Variants in CCSER1 observed in about 807,000 individuals in gnomAD.
The protein encoded by CCSER1 is coiled-coil serine rich protein 1.
CCSER1 carries 41 observed loss-of-function variants against 82.0 expected under a neutral mutation model. The ratio of observed to expected loss-of-function variants is 0.50; its 90% confidence interval spans 0.39 to 0.65. The LOEUF is 0.65. Ranked by LOEUF, CCSER1 falls within the 30% of genes least tolerant of loss-of-function variation. The probability of loss-of-function intolerance (pLI) is 0.00; values close to 1 mark genes in which losing one functional copy is unlikely to be tolerated. For missense variants in CCSER1, 1,119 were observed against 1,064.2 expected (o/e 1.05, Z -0.72); for synonymous variants, 414 against 383.9 (o/e 1.08, Z -0.92).
At chr4:91,307,112 A>T (rs969765390) in intron 10 of CCSER1, among the ~76,000 whole-genome samples, 1 of 151,968 alleles carries the variant, frequency 6.6e-6, no homozygotes, top group African/African-American at 2.4e-5. Flanking sequence ...TCAAATGAAC[A>T]TGATTTTAGG....
chr4:91,472,410 C>T (rs1004059820), intron 10 of CCSER1, among the ~76,000 whole-genome samples: 2 of 152,154 alleles, frequency 1.3e-5, no homozygotes, highest in African/African-American at 2.4e-5. Context: ...AAAGATTTTA[C>T]GTTTTTTTCC....
chr4:90,979,178 A>G (rs1188094106), intron 9 of CCSER1, among the ~76,000 whole-genome samples: 2 of 151,386 alleles, frequency 1.3e-5, no homozygotes, highest in Admixed American at 6.6e-5. Context: ...TAAGGTGTGT[A>G]TATATGTATG....
At chr4:91,166,536 T>C (rs1732095774) in intron 10 of CCSER1, among the ~76,000 whole-genome samples, 1 of 152,240 alleles carries the variant, frequency 6.6e-6, no homozygotes, top group African/African-American at 2.4e-5. Context: ...TTTAAAATGT[T>C]GTTTAAGATG....
At chr4:90,902,445 T>C (rs1398831420) in intron 8 of CCSER1, among the ~76,000 whole-genome samples, 1 of 152,088 alleles carries the variant, frequency 6.6e-6, no homozygotes, top group African/African-American at 2.4e-5. Context: ...TTTGCTATCA[T>C]TTGGATGGAA....
At chr4:91,403,320 A>G (rs1467514168) in intron 10 of CCSER1, among the ~76,000 whole-genome samples, 1 of 152,188 alleles carries the variant, frequency 6.6e-6, no homozygotes, top group African/African-American at 2.4e-5. Flanking sequence ...TTTTCTAAAT[A>G]TACAATCTTG....
At chr4:91,232,359 G>C (rs1160949068) in intron 10 of CCSER1, among the ~76,000 whole-genome samples, 1 of 151,696 alleles carries the variant, frequency 6.6e-6, no homozygotes, top group Non-Finnish European at 1.5e-5. Context: ...TCAACAAATT[G>C]TGTTTATATC....
chr4:90,419,456 A>T (rs1427597219), intron 4 of CCSER1, among the ~76,000 whole-genome samples: 1 of 151,938 alleles, frequency 6.6e-6, no homozygotes, highest in African/African-American at 2.4e-5. Flanking sequence ...GAGGGAGCAA[A>T]TACTCTGGTT....
intron 1 of CCSER1, among the ~76,000 whole-genome samples, chr4:90,136,400 T>TA (rs1292360719): frequency 6.6e-6 from 1 of 152,204 alleles, no homozygotes; most frequent in Non-Finnish European, 1.5e-5. Context: ...AGTGTACTAC[T>TA]CTAATTCAGC....
intron 7 of CCSER1, among the ~76,000 whole-genome samples, chr4:90,757,238 ATT>A (rs1322801195): frequency 9.2e-5 from 14 of 152,216 alleles, no homozygotes; most frequent in Admixed American, 9.2e-4. Context: ...AGGTGTTCCA[ATT>A]AGCTGAGAAA....
chr4:91,357,759 C>A (rs183029033), intron 10 of CCSER1, among the ~76,000 whole-genome samples: 3,070 of 150,946 alleles, frequency 0.02, 103 homozygotes, highest in African/African-American at 0.07. Flanking sequence ...GACAATTTTT[C>A]AACATGTCTC....
chr4:90,214,144 G>C lies in CCSER1; in HGVS notation c.-42+86313G>C, dbSNP rs115609426. ...GCGATTAATTTGCTGAGAGGGGATGGAACGCAGTGCAAATATGGGAGAGCT... is the reference window on the plus strand; with the variant it reads ...GCGATTAATTTGCTGAGAGGGGATGCAACGCAGTGCAAATATGGGAGAGCT... On this transcript the variant is annotated intron_variant, in intron 1 of 10. Transcript: ENST00000509176. Among the ~76,000 whole-genome samples, 1,043 of 152,278 alleles carry C rather than the reference G, an allele frequency of 6.8e-3. 8 individuals are homozygous for C. Among genetic ancestry groups the C allele is most frequent in the African/African-American group, 0.024 (1,009 of 41,548 alleles).
At chr4:90,337,352 G>A (rs1055484523) in intron 3 of CCSER1, among the ~76,000 whole-genome samples, 1 of 152,162 alleles carries the variant, frequency 6.6e-6, no homozygotes, top group Admixed American at 6.5e-5. Flanking sequence ...AGTGGACAAG[G>A]CAGTAAGGGC....
intron 9 of CCSER1, among the ~76,000 whole-genome samples, chr4:90,963,856 A>T (rs1030063352): frequency 2.0e-5 from 3 of 152,232 alleles, no homozygotes; most frequent in Non-Finnish European, 4.4e-5. Flanking sequence ...AGTAAAAAAA[A>T]ATAAAGAAAA....
At chr4:90,700,357 A>G (rs193009815) in intron 6 of CCSER1, among the ~76,000 whole-genome samples, 3,829 of 152,204 alleles carry the variant, frequency 0.025, 79 homozygotes, top group Non-Finnish European at 0.04. Context: ...CATGGTATAT[A>G]TGTGCCACAT....
At chr4:91,174,609 G>T (rs886243310) in intron 10 of CCSER1, among the ~76,000 whole-genome samples, 2 of 151,942 alleles carry the variant, frequency 1.3e-5, no homozygotes, top group African/African-American at 4.8e-5. Flanking sequence ...TTTTTACCAA[G>T]CTACTATACT....
At chr4:91,120,501 C>G (rs935780643) in intron 10 of CCSER1, among the ~76,000 whole-genome samples, 4 of 151,836 alleles carry the variant, frequency 2.6e-5, no homozygotes, top group African/African-American at 9.7e-5. Flanking sequence ...AGTGGAAGGG[C>G]TAACTGTATA....
chr4:90,515,032 A>AT (rs370003310), intron 5 of CCSER1, among the ~76,000 whole-genome samples: 437 of 151,830 alleles, frequency 2.9e-3, no homozygotes, highest in African/African-American at 0.01. Context: ...TGATTTTTGT[A>AT]TTTTTTGTAG....
rs533467180 is a variant in CCSER1 at position 91,087,179 on chromosome 4, C to G, written c.2217+1185C>G. Among the ~76,000 whole-genome samples the G allele has an allele frequency of 3.3e-5, 5 of 152,134 alleles. No individual in the cohort carries two copies. The East Asian group carries it at 7.7e-4, about 24-fold the overall frequency. On this transcript the variant is annotated intron_variant, in intron 10 of 10. Coordinates refer to ENST00000509176, the MANE Select transcript of CCSER1 (RefSeq NM_001145065.2). ...ACCTCCTAAAGTGAAAGTTTTCATCCGAGCAGTACTGCTACAATTTATTTC... is the reference window on the plus strand; with the variant it reads ...ACCTCCTAAAGTGAAAGTTTTCATCGGAGCAGTACTGCTACAATTTATTTC...
At chr4:90,461,127 G>A (rs1762862005) in intron 4 of CCSER1, among the ~76,000 whole-genome samples, 2 of 109,934 alleles carry the variant, frequency 1.8e-5, no homozygotes, top group Non-Finnish European at 1.8e-5. Flanking sequence ...GTGCAGTGGC[G>A]GGATCTCGGC....
Sources: allele counts gnomAD v4.1 joint callset (sites outside exome capture counted in the v4.1 genomes callset), GRCh38; gene constraint gnomAD v4.1.1; transcripts MANE v1.5; gene names NCBI Gene and HGNC (gene_info 2026-07-23, HGNC 2026-07-21).